LRRC4C: variants seen among roughly 807,000 people sequenced by gnomAD.
The protein encoded by LRRC4C is leucine-rich repeat-containing protein 4C.
A neutral mutation model predicts 33.6 loss-of-function variants in LRRC4C; 5 were observed. The ratio of observed to expected loss-of-function variants is 0.15; its 90% CI spans 0.08 to 0.31. The LOEUF is 0.31. Among genes scored for constraint, LRRC4C ranks in the 10% least tolerant of loss-of-function variants. LRRC4C has a pLI of 1.00. For synonymous variants in LRRC4C, 329 were observed against 302.0 expected (o/e 1.09, Z -0.93); for missense variants, 560 against 796.7 (o/e 0.70, Z 3.58).
At chr11:41,136,944 A>G (rs78504012) in intron 1 of LRRC4C, among the ~76,000 whole-genome samples, 3,687 of 152,108 alleles carry the variant, frequency 0.024, 161 homozygotes, top group African/African-American at 0.084. Context: ...TTTGGTTTCA[A>G]CTGGCTTAAA....
intron 2 of LRRC4C, among the ~76,000 whole-genome samples, chr11:40,804,568 TC>T (rs1951168943): frequency 3.9e-5 from 6 of 152,176 alleles, no homozygotes; most frequent in Admixed American, 3.9e-4. Flanking sequence ...AGGAAAATGC[TC>T]CCTTTATTCT....
chr11:41,324,899 A>C (rs1951062648), intron 1 of LRRC4C, among the ~76,000 whole-genome samples: 1 of 152,196 alleles, frequency 6.6e-6, no homozygotes, highest in Admixed American at 6.6e-5. Context: ...CACTTGTATC[A>C]TATATTTAAA....
At chr11:40,320,440 G>T (rs1481721702) in intron 3 of LRRC4C, among the ~76,000 whole-genome samples, 2 of 152,126 alleles carry the variant, frequency 1.3e-5, no homozygotes, top group South Asian at 2.1e-4. Flanking sequence ...TGGAGGCAGA[G>T]GCTTGCAGTG....
chr11:40,490,962 T>A (rs1250534492), intron 3 of LRRC4C, among the ~76,000 whole-genome samples: 1 of 152,106 alleles, frequency 6.6e-6, no homozygotes, highest in Non-Finnish European at 1.5e-5. Context: ...GGAAAAATTA[T>A]GTGTGGAAAT....
At position 40,444,369 on chromosome 11, in the gene LRRC4C, A is replaced by T. The variant is rs199959802; in HGVS notation, c.-269-124648T>A. ...TATTTTTTATTTTTCTTTTTTTTTT[A>T]AATTTATTTTTTTATTATTATACTT... On this transcript the variant is annotated intron_variant, in intron 3 of 6. Coordinates refer to ENST00000528697, the MANE Select transcript of LRRC4C (RefSeq NM_001258419.2). Among the ~76,000 whole-genome samples the T allele has an allele frequency of 4.8e-4, 66 of 137,186 alleles. 1 individual carries two copies. The highest frequency in any genetic ancestry group is 3.1e-3 in the East Asian group (15 of 4,836). The allele number at this position is 137,186 out of a possible 152,430, so 90.0% of individuals were successfully genotyped here.
At chr11:41,444,662 C>T (rs912968470) in intron 1 of LRRC4C, among the ~76,000 whole-genome samples, 1 of 151,828 alleles carries the variant, frequency 6.6e-6, no homozygotes, top group African/African-American at 2.4e-5. Context: ...AGTGTTTATG[C>T]AAAAAGTCAT....
chr11:40,568,642 G>C (rs947781090), intron 3 of LRRC4C, among the ~76,000 whole-genome samples: 12 of 152,104 alleles, frequency 7.9e-5, no homozygotes, highest in Non-Finnish European at 1.2e-4. Flanking sequence ...AACACTCTCT[G>C]GACCACACTG....
chr11:40,834,372 G>A (rs1170025446), intron 2 of LRRC4C, among the ~76,000 whole-genome samples: 1 of 151,752 alleles, frequency 6.6e-6, no homozygotes, highest in African/African-American at 2.4e-5. Flanking sequence ...TCAGGAGGCT[G>A]AGGCAGGAGA....
intron 2 of LRRC4C, among the ~76,000 whole-genome samples, chr11:40,727,668 C>T (rs1012789545): frequency 6.6e-6 from 1 of 152,084 alleles, no homozygotes; most frequent in South Asian, 2.1e-4. Flanking sequence ...AACAGAGGAT[C>T]GATATCCCGA....
At chr11:40,951,394 G>A (rs1489764938) in intron 1 of LRRC4C, among the ~76,000 whole-genome samples, 1 of 151,104 alleles carries the variant, frequency 6.6e-6, no homozygotes, top group Admixed American at 6.7e-5. Flanking sequence ...GTTTAATCTG[G>A]CAAGTTGGGG....
chr11:40,343,162 G>A (rs1946950851), intron 3 of LRRC4C, among the ~76,000 whole-genome samples: 1 of 152,042 alleles, frequency 6.6e-6, no homozygotes, highest in Admixed American at 6.6e-5. Context: ...ATTCATATTA[G>A]TGGAACTCAG....
chr11:41,352,361 T>G (rs1243811817), intron 1 of LRRC4C, among the ~76,000 whole-genome samples: 1 of 152,062 alleles, frequency 6.6e-6, no homozygotes, highest in Non-Finnish European at 1.5e-5. Flanking sequence ...GTACCCAAAT[T>G]TATAATATAG....
At chr11:40,901,828 G>T (rs1956213532) in intron 2 of LRRC4C, among the ~76,000 whole-genome samples, 1 of 152,068 alleles carries the variant, frequency 6.6e-6, no homozygotes, top group African/African-American at 2.4e-5. Context: ...GAGACAGAGG[G>T]AGTGAACTCA....
intron 3 of LRRC4C, among the ~76,000 whole-genome samples, chr11:40,471,933 A>G (rs545863779): frequency 6.6e-6 from 1 of 152,256 alleles, no homozygotes; most frequent in East Asian, 1.9e-4. Context: ...TTCTCAGCAA[A>G]TGCAAAATAA....
intron 1 of LRRC4C, among the ~76,000 whole-genome samples, chr11:41,141,033 A>G (rs1045112282): frequency 6.6e-6 from 1 of 152,146 alleles, no homozygotes; most frequent in Non-Finnish European, 1.5e-5. Flanking sequence ...TATCTATGAT[A>G]TTTGCCTTTC....
At chr11:40,979,678 G>T (rs1206077485) in intron 1 of LRRC4C, among the ~76,000 whole-genome samples, 4 of 152,134 alleles carry the variant, frequency 2.6e-5, no homozygotes, top group Non-Finnish European at 4.4e-5. Flanking sequence ...AACCACAATC[G>T]AGTGTGAGGT....
chr11:41,005,989 C>A (rs1332884673), intron 1 of LRRC4C, among the ~76,000 whole-genome samples: 1 of 152,006 alleles, frequency 6.6e-6, no homozygotes, highest in Non-Finnish European at 1.5e-5. Context: ...TTCCTCTCTT[C>A]CTTCCTTCCT....
Position 40,488,906 on chromosome 11 carries a change from T to C in LRRC4C, c.-270+159236A>G, listed in dbSNP as rs142253059. On this transcript the variant is annotated intron_variant, in intron 3 of 6. Coordinates refer to ENST00000528697, the MANE Select transcript of LRRC4C (RefSeq NM_001258419.2). ...ATGATCTTATGCCTGCCCAATGATATTGTGGTTTCTCCTTTATTTTTTAAA... is the reference window on the plus strand; with the variant it reads ...ATGATCTTATGCCTGCCCAATGATACTGTGGTTTCTCCTTTATTTTTTAAA... 1.6e-4 allele frequency among the ~76,000 whole-genome samples: 25 copies of C among 152,214 alleles called. No homozygotes were observed. The East Asian group carries it at 2.9e-3, about 18-fold the overall frequency.
intron 5 of LRRC4C, among the ~76,000 whole-genome samples, chr11:40,210,532 C>T (rs372112884): frequency 1.4e-4 from 21 of 152,236 alleles, no homozygotes; most frequent in African/African-American, 4.6e-4. Context: ...AGGATGCTGG[C>T]TGTCTTCTTC....
Sources: allele counts gnomAD v4.1 joint callset (sites outside exome capture counted in the v4.1 genomes callset), GRCh38; gene constraint gnomAD v4.1.1; transcripts MANE v1.5; gene names NCBI Gene and HGNC (gene_info 2026-07-23, HGNC 2026-07-21).